Variants in HYDIN observed in about 807,000 individuals in gnomAD.
HYDIN encodes HYDIN axonemal central pair apparatus protein, also known as axonemal central pair apparatus protein HYDIN.
A neutral mutation model predicts 403.9 loss-of-function variants in HYDIN; 132 were observed. The ratio of observed to expected loss-of-function variants is 0.33; its 90% CI spans 0.28 to 0.38. The LOEUF is 0.38. Among genes scored for constraint, HYDIN ranks in the 10% least tolerant of loss-of-function variants. HYDIN has a pLI of 1.00. For missense variants in HYDIN, 2,827 were observed against 5,009.5 expected (o/e 0.56, Z 13.15); for synonymous variants, 1,202 against 1,891.7 (o/e 0.64, Z 9.46).
At chr16:71,177,646 CTTAA>C (rs2086724338) in intron 4 of HYDIN, among the ~76,000 whole-genome samples, 1 of 152,190 alleles carries the variant, frequency 6.6e-6, no homozygotes, top group Non-Finnish European at 1.5e-5. Flanking sequence ...ATAGTCTTTA[CTTAA>C]TTTCTATTTT....
At chr16:70,965,234 T>G (rs1433793645) in intron 36 of HYDIN, among the ~76,000 whole-genome samples, 1 of 152,212 alleles carries the variant, frequency 6.6e-6, no homozygotes, top group East Asian at 1.9e-4. Flanking sequence ...CTACCTTGAG[T>G]GACAATTCAT....
chr16:71,169,056 C>T (rs1160730898), intron 5 of HYDIN, among the ~76,000 whole-genome samples: 4 of 152,168 alleles, frequency 2.6e-5, no homozygotes, highest in Non-Finnish European at 5.9e-5. Context: ...ACCTGAACCC[C>T]CATGTTCACT....
At chr16:70,824,471 A>G (rs2143479968) in intron 83 of HYDIN, among the ~76,000 whole-genome samples, 1 of 149,528 alleles carries the variant, frequency 6.7e-6, no homozygotes, top group Admixed American at 6.6e-5. Flanking sequence ...GTTTAAAATT[A>G]CCTATCAATT....
intron 80 of HYDIN, 115 bp from the exon 81 acceptor site, chr16:70,829,945 G>C: frequency 1.2e-6 from 1 of 854,162 alleles, no homozygotes; most frequent in Non-Finnish European, 1.9e-6. Context: ...TTCCCATCAT[G>C]AGTTTCAGTG....
At chr16:70,823,751 C>T (rs2036410472) in intron 83 of HYDIN, among the ~76,000 whole-genome samples, 2 of 151,500 alleles carry the variant, frequency 1.3e-5, no homozygotes, top group South Asian at 4.2e-4. Context: ...AACGCTCATG[C>T]TGTCTTCTGA....
intron 22 of HYDIN, among the ~76,000 whole-genome samples, chr16:71,019,628 T>C (rs1183228832): frequency 2.0e-5 from 3 of 151,934 alleles, no homozygotes; most frequent in Admixed American, 6.6e-5. Flanking sequence ...TTTTTTTTTT[T>C]CCAGGAAAAT....
At chr16:71,143,811 GA>G (rs567328780) in intron 7 of HYDIN, among the ~76,000 whole-genome samples, 322 of 152,362 alleles carry the variant, frequency 2.1e-3, no homozygotes, top group African/African-American at 7.6e-3. Context: ...CCTTTATGAG[GA>G]AAAAAAGAAA....
rs555358795 is a variant in HYDIN, at chr16:70,970,814, G to A, written c.5380-55C>T. On this transcript the variant is annotated intron_variant, in intron 35 of 85. Transcript: ENST00000393567. Reference sequence around the variant, plus strand: ...TGAGTTTATTTCCATTACATGTCATGTAAAACAAAACACTGCTGAGGGGAA... The same window carrying A: ...TGAGTTTATTTCCATTACATGTCATATAAAACAAAACACTGCTGAGGGGAA... 20 of 1,573,814 alleles carry A rather than the reference G, an allele frequency of 1.3e-5. No homozygotes were observed. The South Asian group carries it at 2.1e-4, about 16-fold the overall frequency.
chr16:70,848,325 G>A (rs1477626581), intron 75 of HYDIN, among the ~76,000 whole-genome samples: 1 of 151,538 alleles, frequency 6.6e-6, no homozygotes, highest in East Asian at 1.9e-4. Context: ...CCAACATCTG[G>A]GCTCCCTCAG....
At chr16:70,954,494 C>T (rs1039392911) in intron 40 of HYDIN, among the ~76,000 whole-genome samples, 5 of 151,786 alleles carry the variant, frequency 3.3e-5, no homozygotes, top group Admixed American at 1.3e-4. Context: ...GAAAACAACC[C>T]CCCTCCCCCA....
intron 47 of HYDIN, among the ~76,000 whole-genome samples, chr16:70,913,184 T>C (rs1012370165): frequency 6.6e-5 from 10 of 151,572 alleles, no homozygotes; most frequent in Non-Finnish European, 1.5e-4. Context: ...GGGTTTGGGT[T>C]TGATTTGTTC....
At chr16:71,212,755 T>G (rs1283434570) in intron 1 of HYDIN, among the ~76,000 whole-genome samples, 1 of 152,064 alleles carries the variant, frequency 6.6e-6, no homozygotes, top group Admixed American at 6.5e-5. Context: ...AGAAGAGAGA[T>G]AATGAGTCAG....
At chr16:71,092,751 T>C (rs1289721845) in intron 11 of HYDIN, among the ~76,000 whole-genome samples, 1 of 133,954 alleles carries the variant, frequency 7.5e-6, no homozygotes, top group Non-Finnish European at 1.5e-5. Context: ...CTGGTAATTT[T>C]TGTATTTTTA....
intron 84 of HYDIN, among the ~76,000 whole-genome samples, chr16:70,813,721 T>C (rs1481887202): frequency 1.3e-5 from 2 of 151,892 alleles, no homozygotes; most frequent in African/African-American, 2.4e-5. Flanking sequence ...TTATTTTTTA[T>C]TGAGGAACTT....
intron 7 of HYDIN, among the ~76,000 whole-genome samples, chr16:71,141,865 C>T (rs1293020325): frequency 3.9e-5 from 6 of 152,046 alleles, no homozygotes; most frequent in Non-Finnish European, 7.4e-5. Flanking sequence ...CTGTACGAAG[C>T]TGCTCAATGC....
chr16:70,981,523 G>C lies in HYDIN; in HGVS notation c.4378C>G (p.Leu1460Val). ...TTAAAGACCTCAGGTACTCCAGGTA[G>C]GTAGTAAACTTTTAATACCTGCTCT... ...HQEQVLKVYY[L>V]PGVPEVFKRS... Residue 1460 changes from leucine (L) to valine (V), a missense_variant, in exon 29 of 86, where the codon CTA (leucine) becomes GTA (valine). Physicochemically the swap from Leu to Val is conservative, Grantham distance 32 (BLOSUM62 1). Coordinates refer to ENST00000393567, the MANE Select transcript of HYDIN (RefSeq NM_001270974.2). The C allele has an allele frequency of 1.9e-6, 3 of 1,613,152 alleles. No homozygotes were observed. Among genetic ancestry groups the C allele is most frequent in the Non-Finnish European group, 2.5e-6 (3 of 1,179,686 alleles).
chr16:70,982,005 G>T (rs528050923), intron 28 of HYDIN, among the ~76,000 whole-genome samples: 12 of 151,388 alleles, frequency 7.9e-5, no homozygotes, highest in Non-Finnish European at 1.3e-4. Flanking sequence ...GTGGGCACCT[G>T]TAGTCCCAGC....
chr16:71,191,030 G>A (rs556771867), intron 1 of HYDIN, among the ~76,000 whole-genome samples: 51 of 152,190 alleles, frequency 3.4e-4, no homozygotes, highest in African/African-American at 6.3e-4. Context: ...GAGAAGTTAC[G>A]AATTAAAAGA....
At chr16:71,129,894 A>G (rs1342270052) in intron 8 of HYDIN, 71 bp from the exon 9 acceptor site, 1 of 1,548,708 alleles carries the variant, frequency 6.5e-7, no homozygotes, top group East Asian at 2.3e-5. Context: ...GCTTCCCTCT[A>G]GTACCTCCTC....
Sources: gnomAD v4.1 joint callset for allele counts (sites outside exome capture counted in the v4.1 genomes callset) on GRCh38, gnomAD v4.1.1 for gene constraint, MANE v1.5 for transcripts, NCBI Gene and HGNC (gene_info 2026-07-23, HGNC 2026-07-21) for gene names.